Variants in SMG1 observed in about 807,000 individuals in gnomAD.
SMG1 encodes serine/threonine-protein kinase SMG1.
SMG1 carries 22 observed loss-of-function variants against 419.9 expected under a neutral mutation model. The observed-to-expected ratio is 0.05, with a 90% CI of 0.04 to 0.07. The LOEUF (loss-of-function observed/expected upper bound fraction) is 0.07, where lower values mean the gene tolerates loss of function less well. Among genes scored for constraint, SMG1 ranks in the 10% least tolerant of loss-of-function variants. The probability of loss-of-function intolerance (pLI) is 1.00; values close to 1 mark genes in which losing one functional copy is unlikely to be tolerated. For synonymous variants in SMG1, 1,538 were observed against 1,553.5 expected (o/e 0.99, Z 0.23); for missense variants, 3,185 against 4,342.0 (o/e 0.73, Z 7.49).
intron 1 of SMG1, among the ~76,000 whole-genome samples, chr16:18,914,012 CA>C (rs1342656448): frequency 6.6e-6 from 1 of 151,680 alleles, no homozygotes; most frequent in Non-Finnish European, 1.5e-5. Flanking sequence ...ACTAAAAATA[CA>C]AAAAATTAGC....
At chr16:18,883,412 T>G (rs1203368146) in intron 9 of SMG1, among the ~76,000 whole-genome samples, 1 of 152,262 alleles carries the variant, frequency 6.6e-6, no homozygotes, top group East Asian at 1.9e-4. Context: ...CTTTAGGGGC[T>G]TTTGGTGTTT....
chr16:18,853,450 C>T (rs578053181), intron 31 of SMG1, 133 bp downstream of exon 31: 5 of 836,996 alleles, frequency 6.0e-6, no homozygotes, highest in African/African-American at 1.7e-5. Context: ...TATTTCCCAA[C>T]AATAAAATAA....
At chr16:18,891,332 C>A (rs1033958497) in intron 4 of SMG1, among the ~76,000 whole-genome samples, 10 of 152,152 alleles carry the variant, frequency 6.6e-5, no homozygotes, top group Non-Finnish European at 7.4e-5. Flanking sequence ...TATATTTGAA[C>A]CTTCTCATAA....
In SMG1 at chr16:18,850,401, T is replaced by C. The variant is rs2034522948; in HGVS notation, c.5119A>G (p.Ile1707Val). 6.2e-7 allele frequency: 1 copy of C among 1,613,966 alleles called. No individual in the cohort carries two copies. Among genetic ancestry groups the C allele is most frequent in the Non-Finnish European group, 8.5e-7 (1 of 1,179,888 alleles). The change falls in exon 34 of 63, where the codon ATC becomes GTC. Residue 1707 changes from isoleucine (I) to valine (V), a missense_variant. Ile to Val is a conservative substitution (Grantham distance 29). Coordinates refer to ENST00000446231, the MANE Select transcript of SMG1 (RefSeq NM_015092.5). ...DNEEDDMVDVIWRQLISSCPW... is the reference protein window; with the variant it reads ...DNEEDDMVDVVWRQLISSCPW... Reference sequence around the variant, plus strand: ...CAGCTTGATATCAACTGACGCCAGATAACATCAACCATGTCATCTTCTTCG... The same window carrying C: ...CAGCTTGATATCAACTGACGCCAGACAACATCAACCATGTCATCTTCTTCG...
chr16:18,828,345 G>GA (rs1172978600), intron 54 of SMG1, among the ~76,000 whole-genome samples, 177 bp from the exon 55 acceptor site: 2 of 152,172 alleles, frequency 1.3e-5, no homozygotes, highest in South Asian at 4.1e-4. Flanking sequence ...ACATCCAGGT[G>GA]AAAGACTTCT....
intron 60 of SMG1, among the ~76,000 whole-genome samples, chr16:18,813,018 C>CAT (rs2031620379): frequency 1.3e-5 from 2 of 152,084 alleles, no homozygotes; most frequent in African/African-American, 4.8e-5. Context: ...TTTATGGCTG[C>CAT]ATAGTATTCC....
At chr16:18,881,212 C>T (rs2036380744) in intron 10 of SMG1, among the ~76,000 whole-genome samples, 1 of 151,398 alleles carries the variant, frequency 6.6e-6, no homozygotes, top group Non-Finnish European at 1.5e-5. Flanking sequence ...CAATATACAC[C>T]TATCCTATAA....
At chr16:18,869,774 T>G (rs1277698945) in intron 19 of SMG1, 80 bp downstream of exon 19, 5 of 1,225,866 alleles carry the variant, frequency 4.1e-6, no homozygotes, top group Non-Finnish European at 5.9e-6. Context: ...CAAACATATT[T>G]TCTCTTCAAA....
At chr16:18,907,650 C>T (rs2037616902) in intron 1 of SMG1, among the ~76,000 whole-genome samples, 1 of 151,904 alleles carries the variant, frequency 6.6e-6, no homozygotes, top group African/African-American at 2.4e-5. Flanking sequence ...GAGTTCGAGA[C>T]CAGCCTGACC....
At chr16:18,884,775 G>GT (rs1315305302) in intron 8 of SMG1, 3 of 245,702 alleles carry the variant, frequency 1.2e-5, no homozygotes, top group African/African-American at 2.2e-5. Flanking sequence ...ACAATAAAAT[G>GT]TGACAAATAA....
intron 25 of SMG1, among the ~76,000 whole-genome samples, chr16:18,862,051 C>T (rs2035246461): frequency 6.6e-6 from 1 of 152,156 alleles, no homozygotes; most frequent in African/African-American, 2.4e-5. Flanking sequence ...GCAACAGCTT[C>T]CTATCCTCGA....
At chr16:18,898,738 T>C (rs1481428448) in intron 1 of SMG1, among the ~76,000 whole-genome samples, 3 of 152,230 alleles carry the variant, frequency 2.0e-5, no homozygotes, top group Non-Finnish European at 2.9e-5. Context: ...TATTTAAACA[T>C]ATCTTCACTT....
chr16:18,828,184 G>A lies in SMG1; in HGVS notation c.9604-16C>T, dbSNP rs745988053. ...CATGTTGCCACTGTTGAGAGAAAAA[G>A]AAATGTATTAAAATCAGCAGGAAAA... is the stretch of plus-strand genomic sequence containing the variant. On this transcript the variant is annotated splice_polypyrimidine_tract_variant and intron_variant, in intron 54 of 62. Transcript: ENST00000446231. 6.2e-7 allele frequency: 1 copy of A among 1,609,756 alleles called. No individual in the cohort carries two copies. Among genetic ancestry groups the A allele is most frequent in the Non-Finnish European group, 8.5e-7 (1 of 1,177,356 alleles).
intron 30 of SMG1, among the ~76,000 whole-genome samples, 162 bp downstream of exon 30, chr16:18,854,494 G>A (rs1016555234): frequency 1.4e-4 from 22 of 152,122 alleles, no homozygotes; most frequent in African/African-American, 4.6e-4. Context: ...AATTATAAAG[G>A]TAAGTCAGTA....
chr16:18,870,677 T>A lies in SMG1; in HGVS notation c.2425A>T (p.Ser809Cys), dbSNP rs919788709. Reference sequence around the variant, plus strand: ...AATGCTTGTCGAATACGAGTTCCACTGTGCACTAGTTGAACACGGCAAACA... The same window carrying A: ...AATGCTTGTCGAATACGAGTTCCACAGTGCACTAGTTGAACACGGCAAACA... Reference protein sequence around the residue: ...VDVCRVQLVHSGTRIRQAFGK... With the variant: ...VDVCRVQLVHCGTRIRQAFGK... The change falls in exon 18 of 63, where the codon AGT becomes TGT. Residue 809 changes from serine to cysteine, a missense_variant. Physicochemically the swap from Ser to Cys is moderately radical, Grantham distance 112. Transcript: ENST00000446231. 1.2e-5 allele frequency: 20 copies of A among 1,609,070 alleles called. 1 individual carries two copies. The Admixed American group carries it at 1.3e-4, about 11-fold the overall frequency.
chr16:18,817,580 C>A, intron 56 of SMG1, 110 bp from the exon 57 acceptor site: 1 of 877,650 alleles, frequency 1.1e-6, no homozygotes, highest in Non-Finnish European at 1.7e-6. Context: ...GAATTCAGGA[C>A]CAGAATTGGT....
At chr16:18,891,783 C>T (rs1419440728) in intron 4 of SMG1, among the ~76,000 whole-genome samples, 4 of 152,162 alleles carry the variant, frequency 2.6e-5, no homozygotes, top group African/African-American at 9.7e-5. Flanking sequence ...AAAATTTAAC[C>T]CTTCCTATAC....
At chr16:18,874,327 C>T (rs1279789333) in intron 13 of SMG1, among the ~76,000 whole-genome samples, 3 of 151,458 alleles carry the variant, frequency 2.0e-5, no homozygotes, top group African/African-American at 7.3e-5. Context: ...TTAGTAGAGG[C>T]GAGGTTTCAC....
chr16:18,916,243 C>T (rs907430130), intron 1 of SMG1, among the ~76,000 whole-genome samples: 3 of 150,632 alleles, frequency 2.0e-5, no homozygotes, highest in Admixed American at 1.3e-4. Context: ...AGGCCAGGCA[C>T]GGTGGCTCAC....
Sources: gnomAD v4.1 joint callset for allele counts (sites outside exome capture counted in the v4.1 genomes callset) on GRCh38, gnomAD v4.1.1 for gene constraint, MANE v1.5 for transcripts, NCBI Gene and HGNC (gene_info 2026-07-23, HGNC 2026-07-21) for gene names.